The following ANO3 variants were observed in gnomAD, a reference collection of about 807,000 sequenced individuals.
The protein encoded by ANO3 is anoctamin 3, also known as anoctamin-3.
Under a neutral mutation model 144.8 loss-of-function variants are expected in ANO3, and 99 were observed. The observed-to-expected ratio is 0.68, with a 90% CI of 0.58 to 0.81. The LOEUF is 0.81. Ranked by LOEUF, ANO3 falls within the 30% of genes least tolerant of loss-of-function variation. ANO3 has a pLI of 0.00. For synonymous variants in ANO3, 414 were observed against 392.6 expected (o/e 1.05, Z -0.64); for missense variants, 905 against 1,202.2 (o/e 0.75, Z 3.66).
At chr11:26,434,050 A>T (rs1858208714) in intron 1 of ANO3, among the ~76,000 whole-genome samples, 1 of 151,990 alleles carries the variant, frequency 6.6e-6, no homozygotes, top group Admixed American at 6.6e-5. Flanking sequence ...TTGTTAGGTG[A>T]TTATTGATTC....
intron 1 of ANO3, among the ~76,000 whole-genome samples, chr11:26,420,005 ATACAG>A (rs1474693869): frequency 1.2e-4 from 18 of 152,132 alleles, no homozygotes; most frequent in Admixed American, 1.2e-3. Context: ...TCATTAGTTT[ATACAG>A]CCCTTCATGA....
intron 18 of ANO3, among the ~76,000 whole-genome samples, chr11:26,630,550 ATC>A (rs1159756195): frequency 1.5e-5 from 1 of 65,516 alleles, no homozygotes; most frequent in Non-Finnish European, 4.4e-5. Context: ...AGCTTTTATT[ATC>A]ACACAGTTTT....
rs368543714 is a variant in ANO3, at chr11:26,234,981, G to T, written c.154+45651G>T. ...ATTGATGTCTCAGCTCAAGCAGTTAGACAGAGAGAGAGAGAAAAGAAAGAG... is the reference window on the plus strand; with the variant it reads ...ATTGATGTCTCAGCTCAAGCAGTTATACAGAGAGAGAGAGAAAAGAAAGAG... On this transcript the variant is annotated intron_variant, in intron 1 of 27. Transcript: ENST00000672621. 9.3e-5 allele frequency among the ~76,000 whole-genome samples: 12 copies of T among 129,248 alleles called. No individual in the cohort carries two copies. The South Asian group carries it at 1.9e-3, about 21-fold the overall frequency. The allele number at this position is 129,248 out of a possible 152,430, so 84.8% of individuals were successfully genotyped here. A position where few individuals can be genotyped will look rare whatever the true frequency, so the allele number is the denominator to read the frequency against.
At chr11:26,365,979 TA>T (rs1564984874) in intron 1 of ANO3, among the ~76,000 whole-genome samples, 2,219 of 25,000 alleles carry the variant, frequency 0.089, 59 homozygotes, top group Non-Finnish European at 0.12. Context: ...TATATATATA[TA>T]TATATATATA....
At chr11:26,594,209 C>T (rs956181051) in intron 14 of ANO3, among the ~76,000 whole-genome samples, 4 of 152,142 alleles carry the variant, frequency 2.6e-5, no homozygotes, top group African/African-American at 7.2e-5. Context: ...CAAATGTCTG[C>T]GGCACCAATC....
chr11:26,363,037 A>G (rs1855969487), intron 1 of ANO3, among the ~76,000 whole-genome samples: 1 of 152,224 alleles, frequency 6.6e-6, no homozygotes, highest in Admixed American at 6.5e-5. Flanking sequence ...AAATGCATGT[A>G]CCAAGAAAGT....
Position 26,656,431 on chromosome 11 carries a change from C to T in ANO3, c.2713C>T (p.Gln905Ter), listed in dbSNP as rs745874930. The T allele has an allele frequency of 4.3e-6, 7 of 1,612,478 alleles. No homozygotes were observed. Among genetic ancestry groups the T allele is most frequent in the East Asian group, 2.2e-5 (1 of 44,860 alleles). The change falls in exon 26 of 27, where the codon CAA becomes TAA. Residue 905 changes from glutamine (Q) to a stop codon, truncating the protein, a stop_gained. Transcript: ENST00000256737. LOFTEE classifies it high-confidence loss of function. The stretch of plus-strand genomic sequence containing the variant: ...TTCCAAACCCTATGAGTTTACTTTA[C>T]AATACTGGCATATCCTTGCTGCTAG... ...WSSKPYEFTL[Q>*]YWHILAARLA...
At chr11:26,462,029 A>G (rs992316898) in intron 3 of ANO3, among the ~76,000 whole-genome samples, 1 of 151,944 alleles carries the variant, frequency 6.6e-6, no homozygotes, top group African/African-American at 2.4e-5. Context: ...AGTTTATACC[A>G]CTAAAAACCT....
intron 1 of ANO3, among the ~76,000 whole-genome samples, chr11:26,214,657 C>T (rs1173741541): frequency 6.6e-6 from 1 of 151,836 alleles, no homozygotes; most frequent in Non-Finnish European, 1.5e-5. Context: ...GAAAATAGTA[C>T]AAAGAATCAC....
chr11:26,457,386 C>A (rs531649899), intron 3 of ANO3, among the ~76,000 whole-genome samples: 2 of 150,216 alleles, frequency 1.3e-5, no homozygotes, highest in Non-Finnish European at 3.0e-5. Flanking sequence ...TTTCCACTGG[C>A]ATACTCGAGG....
intron 1 of ANO3, among the ~76,000 whole-genome samples, chr11:26,388,745 T>C (rs1257819177): frequency 6.6e-6 from 1 of 152,186 alleles, no homozygotes; most frequent in Non-Finnish European, 1.5e-5. Context: ...GAAGGCACTA[T>C]TGATGGCTCA....
chr11:26,255,212 G>A (rs1043551914), intron 1 of ANO3, among the ~76,000 whole-genome samples: 1 of 152,086 alleles, frequency 6.6e-6, no homozygotes, highest in Non-Finnish European at 1.5e-5. Flanking sequence ...TTATCCTCAG[G>A]CAACAAAGGC....
chr11:26,433,481 G>T (rs143710494), intron 1 of ANO3, among the ~76,000 whole-genome samples: 124 of 152,192 alleles, frequency 8.1e-4, no homozygotes, highest in African/African-American at 2.8e-3. Flanking sequence ...TTGTTTTCAA[G>T]GGGGAATACT....
chr11:26,380,705 T>C (rs1165152728), intron 1 of ANO3, among the ~76,000 whole-genome samples: 1 of 152,060 alleles, frequency 6.6e-6, no homozygotes, highest in Non-Finnish European at 1.5e-5. Flanking sequence ...ACATATTTAA[T>C]ATAAGAAGTC....
chr11:26,261,437 C>A (rs1470459622), intron 1 of ANO3, among the ~76,000 whole-genome samples: 2 of 152,116 alleles, frequency 1.3e-5, no homozygotes. Flanking sequence ...ACAATTTTGC[C>A]TCATTTAAAA....
chr11:26,507,894 C>T (rs1861499389), intron 4 of ANO3, among the ~76,000 whole-genome samples: 1 of 152,148 alleles, frequency 6.6e-6, no homozygotes, highest in South Asian at 2.1e-4. Flanking sequence ...TATCAGACCA[C>T]CTAATTTCAT....
At chr11:26,262,613 C>G (rs1853215048) in intron 1 of ANO3, among the ~76,000 whole-genome samples, 1 of 151,968 alleles carries the variant, frequency 6.6e-6, no homozygotes. Context: ...ATGTTGAAAT[C>G]CTAACACCCA....
At chr11:26,200,308 T>C (rs1851668145) in intron 1 of ANO3, among the ~76,000 whole-genome samples, 1 of 152,180 alleles carries the variant, frequency 6.6e-6, no homozygotes, top group African/African-American at 2.4e-5. Context: ...AAATATTTTC[T>C]CCTTCTGCCT....
chr11:26,356,309 T>G (rs1301432495), intron 1 of ANO3, among the ~76,000 whole-genome samples: 1 of 152,186 alleles, frequency 6.6e-6, no homozygotes, highest in African/African-American at 2.4e-5. Context: ...GACATATGTA[T>G]GCACCCATGA....
Sources: gnomAD v4.1 joint callset for allele counts (sites outside exome capture counted in the v4.1 genomes callset) on GRCh38, gnomAD v4.1.1 for gene constraint, MANE v1.5 for transcripts, NCBI Gene and HGNC (gene_info 2026-07-23, HGNC 2026-07-21) for gene names.